BCAS3: variants seen among roughly 807,000 people sequenced by gnomAD.
BCAS3 encodes BCAS3 microtubule associated cell migration factor, also known as BCAS4/BCAS3 fusion.
Under a neutral mutation model 116.1 loss-of-function variants are expected in BCAS3, and 53 were observed. The ratio of observed to expected loss-of-function variants is 0.46; its 90% CI spans 0.37 to 0.57. The LOEUF (loss-of-function observed/expected upper bound fraction) is 0.57, where lower values mean the gene tolerates loss of function less well. Ranked by LOEUF, BCAS3 falls within the 20% of genes least tolerant of loss-of-function variation. The pLI, the probability that BCAS3 is intolerant of heterozygous loss-of-function variation, is 0.00. For missense variants in BCAS3, 917 were observed against 1,165.4 expected, an observed-to-expected ratio of 0.79 and a Z score of 3.10; for synonymous variants, 391 against 408.2, an observed-to-expected ratio of 0.96 and a Z score of 0.51.
intron 4 of BCAS3, among the ~76,000 whole-genome samples, chr17:60,703,418 G>A (rs529192568): frequency 3.5e-4 from 53 of 151,366 alleles, no homozygotes; most frequent in African/African-American, 8.5e-4. Flanking sequence ...GCAAAACCCC[G>A]TCTTTATGAA....
At chr17:60,958,499 G>A (rs571667061) in intron 14 of BCAS3, among the ~76,000 whole-genome samples, 3 of 152,220 alleles carry the variant, frequency 2.0e-5, no homozygotes, top group African/African-American at 7.2e-5. Flanking sequence ...CATTCAATAA[G>A]CAAGACTTGT....
chr17:61,291,543 G>A (rs530142595), intron 22 of BCAS3, among the ~76,000 whole-genome samples: 3 of 152,134 alleles, frequency 2.0e-5, no homozygotes, highest in Non-Finnish European at 2.9e-5. Context: ...CATATTTGCC[G>A]GGAAAAAAAT....
intron 13 of BCAS3, among the ~76,000 whole-genome samples, chr17:60,945,737 G>A (rs1335035078): frequency 6.6e-6 from 1 of 151,702 alleles, no homozygotes; most frequent in Non-Finnish European, 1.5e-5. Flanking sequence ...GGAAGTGGAG[G>A]TTGCAGTGAG....
intron 16 of BCAS3, among the ~76,000 whole-genome samples, chr17:61,018,737 A>G (rs998117446): frequency 6.6e-6 from 1 of 152,136 alleles, no homozygotes; most frequent in Non-Finnish European, 1.5e-5. Flanking sequence ...TGCAGCCTTA[A>G]TATACCCTTA....
At chr17:61,311,247 A>G (rs2054280648) in intron 22 of BCAS3, among the ~76,000 whole-genome samples, 1 of 152,240 alleles carries the variant, frequency 6.6e-6, no homozygotes, top group Non-Finnish European at 1.5e-5. Flanking sequence ...ATCATACTAT[A>G]CAGAGAGTCC....
At chr17:60,837,794 G>A (rs1318169640) in intron 7 of BCAS3, among the ~76,000 whole-genome samples, 5 of 151,918 alleles carry the variant, frequency 3.3e-5, no homozygotes, top group South Asian at 4.2e-4. Flanking sequence ...GCTGGGAACA[G>A]GTGCGTGCCA....
At chr17:60,828,582 A>G (rs1050988817) in intron 7 of BCAS3, among the ~76,000 whole-genome samples, 4 of 152,204 alleles carry the variant, frequency 2.6e-5, no homozygotes. Context: ...AATTTATTCT[A>G]TAAATGACAA....
intron 13 of BCAS3, among the ~76,000 whole-genome samples, chr17:60,941,765 A>G (rs190937702): frequency 6.6e-6 from 1 of 152,344 alleles, no homozygotes; most frequent in East Asian, 1.9e-4. Context: ...AGCTAGGAAC[A>G]TATGGGAACG....
chr17:61,123,880 A>C (rs2075921310), intron 22 of BCAS3, among the ~76,000 whole-genome samples: 1 of 152,192 alleles, frequency 6.6e-6, no homozygotes, highest in Admixed American at 6.5e-5. Flanking sequence ...AGAACTGAAC[A>C]TAATTTTGAG....
chr17:61,214,407 G>A lies in BCAS3; in HGVS notation c.2425+129843G>A, dbSNP rs560161820. 1.5e-3 allele frequency among the ~76,000 whole-genome samples: 220 copies of A among 147,432 alleles called. No individual in the cohort carries two copies. The highest frequency in any genetic ancestry group is 3.6e-3 in the South Asian group (17 of 4,784). ...AATAAATAAATAAATATTTTAGGCT[G>A]GGCGCAGTGGCTCATGCCTGTAATC... On this transcript the variant is annotated intron_variant, in intron 22 of 23. Coordinates refer to ENST00000407086, the MANE Select transcript of BCAS3 (RefSeq NM_017679.5). The surrounding 1 kb of genome is among the most constrained non-coding windows in gnomAD (Gnocchi z 4.4).
At chr17:60,998,995 G>C (rs2064034371) in intron 15 of BCAS3, among the ~76,000 whole-genome samples, 1 of 152,132 alleles carries the variant, frequency 6.6e-6, no homozygotes, top group South Asian at 2.1e-4. Flanking sequence ...TTTGTATGTG[G>C]TGAGTAGGTA....
At position 60,990,539 on chromosome 17, in the gene BCAS3, T is replaced by C. The variant is rs965781014; in HGVS notation, c.1486+304T>C. Reference sequence around the variant, plus strand: ...GAGAACTGAACATCCTTTTTACTTATCTCTTCCAGAACATTCTATGTTCAA... The same window carrying C: ...GAGAACTGAACATCCTTTTTACTTACCTCTTCCAGAACATTCTATGTTCAA... On this transcript the variant is annotated intron_variant, in intron 15 of 23. Coordinates refer to ENST00000407086, the MANE Select transcript of BCAS3 (RefSeq NM_017679.5). This position sits in a 1 kb window ranked among gnomAD's most constrained non-coding sequence, Gnocchi z 5.1. Among the ~76,000 whole-genome samples the C allele has an allele frequency of 6.6e-6, 1 of 152,208 alleles. No individual in the cohort carries two copies. Among genetic ancestry groups the C allele is most frequent in the African/African-American group, 2.4e-5 (1 of 41,442 alleles).
At position 61,387,385 on chromosome 17, in the gene BCAS3, C is replaced by G. The variant is rs938805574; in HGVS notation, c.2594-4592C>G. 6.6e-6 allele frequency among the ~76,000 whole-genome samples: 1 copy of G among 152,320 alleles called. No individual in the cohort carries two copies. The highest frequency in any genetic ancestry group is 3.4e-3 in the Middle Eastern group (1 of 294). The stretch of plus-strand genomic sequence containing the variant: ...CCCAAGTGACCAGGGTTGCTTCTCT[C>G]TAAAAAGGCCAGTCCCCTCTTTCTG... On this transcript the variant is annotated intron_variant, in intron 23 of 23. Transcript: ENST00000407086. This position sits in a 1 kb window ranked among gnomAD's most constrained non-coding sequence, Gnocchi z 6.2.
At chr17:60,845,193 C>T (rs1260918968) in intron 7 of BCAS3, among the ~76,000 whole-genome samples, 2 of 152,228 alleles carry the variant, frequency 1.3e-5, no homozygotes, top group Non-Finnish European at 2.9e-5. Flanking sequence ...TGCGCCATTG[C>T]ACTCCAGCCC....
chr17:61,016,941 T>A (rs2065499872), intron 16 of BCAS3: 1 of 152,198 alleles, frequency 6.6e-6, no homozygotes, highest in African/African-American at 2.4e-5. Context: ...ATTGACTCTG[T>A]AGCTAGGTGG....
intron 22 of BCAS3, among the ~76,000 whole-genome samples, chr17:61,266,636 A>G (rs1468100822): frequency 6.6e-6 from 1 of 152,230 alleles, no homozygotes; most frequent in Non-Finnish European, 1.5e-5. Flanking sequence ...ACATGTAGGT[A>G]CTGTTTTCCA....
chr17:60,758,630 C>T lies in BCAS3; in HGVS notation c.403+11351C>T, dbSNP rs531185808. Among the ~76,000 whole-genome samples the T allele has an allele frequency of 8.5e-5, 13 of 152,206 alleles. No homozygotes were observed. The South Asian group carries it at 2.5e-3, about 29-fold the overall frequency. ...CTCCTGACCTCAGGTAATTCACCTG[C>T]CTTGGCTTCCCAAAGTGCTGGGGTT... On this transcript the variant is annotated intron_variant, in intron 6 of 23. Transcript: ENST00000407086.
intron 7 of BCAS3, among the ~76,000 whole-genome samples, chr17:60,845,462 A>G (rs1054517923): frequency 6.6e-6 from 1 of 152,238 alleles, no homozygotes; most frequent in Admixed American, 6.5e-5. Flanking sequence ...CACAAGGGAT[A>G]AATTCCCATT....
intron 7 of BCAS3, among the ~76,000 whole-genome samples, chr17:60,866,361 T>G (rs904215506): frequency 1.3e-5 from 2 of 152,114 alleles, no homozygotes; most frequent in African/African-American, 4.8e-5. Flanking sequence ...ACTCCCAACC[T>G]CAGGTGATCC....
Sources: allele counts gnomAD v4.1 joint callset (sites outside exome capture counted in the v4.1 genomes callset), GRCh38; gene constraint gnomAD v4.1.1; non-coding constraint Gnocchi (gnomAD v3.1); transcripts MANE v1.5; gene names NCBI Gene and HGNC (gene_info 2026-07-23, HGNC 2026-07-21).